Variants in NWD1 observed in about 807,000 individuals in gnomAD.
NWD1 encodes the protein NACHT and WD repeat domain containing 1, also known as NACHT domain- and WD repeat-containing protein 1.
A neutral mutation model predicts 135.1 loss-of-function variants in NWD1; 129 were observed. The observed-to-expected ratio is 0.96, with a 90% confidence interval of 0.83 to 1.11. NWD1 has a LOEUF of 1.11. Ranked by LOEUF, NWD1 falls within the 50% of genes least tolerant of loss-of-function variation. The pLI is 0.00. For missense variants in NWD1, 1,740 were observed against 1,851.3 expected (o/e 0.94, Z 1.10); for synonymous variants, 773 against 786.0 (o/e 0.98, Z 0.28).
At position 16,747,385 on chromosome 19, in the gene NWD1, A is replaced by ATTT. The variant is rs61104300; in HGVS notation, c.497-1754_497-1753insTTT. 6.1e-3 allele frequency among the ~76,000 whole-genome samples: 810 copies of ATTT among 132,570 alleles called. 7 individuals are homozygous for ATTT. Among genetic ancestry groups the ATTT allele is most frequent in the African/African-American group, 0.023 (761 of 32,810 alleles). The allele number at this position is 132,570 out of a possible 152,430, so 87.0% of individuals were successfully genotyped here. A position where few individuals can be genotyped will look rare whatever the true frequency, so the allele number is the denominator to read the frequency against. On this transcript the variant is annotated intron_variant, in intron 5 of 18. Transcript: ENST00000524140. ...TATTTATTTATTTATTTATTTATTT[A>ATTT]ATTTTTTTTGAGACAAGGTCTTACT...
chr19:16,785,830 C>G (rs1464345542), intron 12 of NWD1, among the ~76,000 whole-genome samples: 2 of 149,184 alleles, frequency 1.3e-5, no homozygotes, highest in Non-Finnish European at 3.0e-5. Context: ...AATGTTTTGC[C>G]ATAAACATTC....
rs575535194 is a variant in NWD1, at chr19:16,801,279, C to CA, written c.3736+1127dup. 37 of 148,402 alleles carry CA rather than the reference C, an allele frequency of 2.5e-4. No homozygotes were observed. The South Asian group carries it at 2.6e-3, about 10-fold the overall frequency. 9.2% of individuals were successfully genotyped at this position (148,402 alleles called of 1,614,324 possible). On this transcript the variant is annotated intron_variant, in intron 17 of 18. Transcript: ENST00000524140. Reference sequence around the variant, plus strand: ...GGGCAACAAGAGCAAAACTCTGTCTCAAAAAAAAAATTAGCTGGATATGGT... The same window carrying CA: ...GGGCAACAAGAGCAAAACTCTGTCTCAAAAAAAAAAATTAGCTGGATATGGT...
rs913058684 is a variant in NWD1, at chr19:16,817,749, C to T, written c.*2710C>T. 1 of 152,100 alleles carries T rather than the reference C, an allele frequency of 6.6e-6. No homozygotes were observed. The highest frequency in any genetic ancestry group is 6.6e-5 in the Admixed American group (1 of 15,252). The allele number at this position is 152,100 out of a possible 1,614,324, so 9.4% of individuals were successfully genotyped here. On this transcript the variant is annotated 3_prime_UTR_variant, in exon 19 of 19. Coordinates refer to ENST00000524140, the MANE Select transcript of NWD1 (RefSeq NM_001007525.5). ...GGGAGCCCTGAAAAAATTAGCTACT[C>T]TTTGCCACTGCTTCTCTGTGAATCA...
intron 3 of NWD1, among the ~76,000 whole-genome samples, chr19:16,735,525 A>G (rs1455953526): frequency 2.0e-5 from 3 of 149,390 alleles, no homozygotes; most frequent in Non-Finnish European, 4.4e-5. Context: ...AAAAAAAAAG[A>G]AAGAAAGAAA....
chr19:16,769,603 T>C (rs999660698), intron 10 of NWD1, among the ~76,000 whole-genome samples: 1 of 152,138 alleles, frequency 6.6e-6, no homozygotes, highest in Non-Finnish European at 1.5e-5. Flanking sequence ...GATGCTTGTC[T>C]CCATCCTTAC....
chr19:16,747,808 A>G (rs1452139467), intron 5 of NWD1, among the ~76,000 whole-genome samples: 1 of 152,132 alleles, frequency 6.6e-6, no homozygotes, highest in Non-Finnish European at 1.5e-5. Context: ...TGTCAATGGA[A>G]TCTCACACTA....
intron 2 of NWD1, among the ~76,000 whole-genome samples, chr19:16,730,764 C>T (rs1328606073): frequency 6.6e-6 from 1 of 152,006 alleles, no homozygotes; most frequent in African/African-American, 2.4e-5. Flanking sequence ...TATGGTGGCT[C>T]ATGTCTGTAA....
intron 4 of NWD1, among the ~76,000 whole-genome samples, chr19:16,739,329 CAAAAAAAAAAA>C (rs67106916): frequency 7.6e-5 from 6 of 78,966 alleles, no homozygotes; most frequent in Non-Finnish European, 1.4e-4. Context: ...CTATCTCTAC[CAAAAAAAAAAA>C]AAAAAAAAAA....
Position 16,786,085 on chromosome 19 carries a change from G to A in NWD1, c.2732-2897G>A, listed in dbSNP as rs575335262. On this transcript the variant is annotated intron_variant, in intron 12 of 18. Transcript: ENST00000524140. ...TTGCCATGTTGGCCAGGCTAGTCTC[G>A]AACCCCTGACCTCAACTGATTCACC... 1.5e-3 allele frequency among the ~76,000 whole-genome samples: 233 copies of A among 152,136 alleles called. 1 individual carries two copies. The highest frequency in any genetic ancestry group is 5.0e-3 in the African/African-American group (209 of 41,508).
At chr19:16,722,934 T>C (rs1191204662) in intron 1 of NWD1, among the ~76,000 whole-genome samples, 1 of 152,130 alleles carries the variant, frequency 6.6e-6, no homozygotes, top group Non-Finnish European at 1.5e-5. Flanking sequence ...CTGTTCATGT[T>C]GTCACACATC....
Position 16,749,529 on chromosome 19 carries a change from A to G in NWD1, c.887A>G (p.Gln296Arg), listed in dbSNP as rs1355093566. The change falls in exon 6 of 19, where the codon CAA (glutamine) becomes CGA (arginine). Residue 296 changes from glutamine (Q) to arginine (R), a missense_variant. Coordinates refer to ENST00000524140, the MANE Select transcript of NWD1 (RefSeq NM_001007525.5). ...GGACAGGAGTTGGCGTGGCTCTACC[A>G]AGAGATCCGCCACCACCTTTGGCAG... ...TAGQELAWLY[Q>R]EIRHHLWQSS... 6.2e-7 allele frequency: 1 copy of G among 1,612,178 alleles called. No individual in the cohort carries two copies. Among genetic ancestry groups the G allele is most frequent in the Admixed American group, 1.7e-5 (1 of 59,992 alleles).
chr19:16,730,677 A>T (rs896432146), intron 2 of NWD1, among the ~76,000 whole-genome samples: 1 of 149,760 alleles, frequency 6.7e-6, no homozygotes, highest in Non-Finnish European at 1.5e-5. Flanking sequence ...TGATTGCACC[A>T]CTGCCCTCCA....
In NWD1 at chr19:16,747,382, T is replaced by A. The variant is rs577436847; in HGVS notation, c.497-1757T>A. The stretch of plus-strand genomic sequence containing the variant: ...ATTTATTTATTTATTTATTTATTTA[T>A]TTAATTTTTTTTGAGACAAGGTCTT... On this transcript the variant is annotated intron_variant, in intron 5 of 18. Transcript: ENST00000524140. 2.3e-4 allele frequency among the ~76,000 whole-genome samples: 32 copies of A among 140,278 alleles called. No individual in the cohort carries two copies. The East Asian group carries it at 5.1e-3, about 22-fold the overall frequency. 92.0% of individuals were successfully genotyped at this position (140,278 alleles called of 152,430 possible). A position where few individuals can be genotyped will look rare whatever the true frequency, so the allele number is the denominator to read the frequency against.
chr19:16,788,615 C>T (rs947937991), intron 12 of NWD1, among the ~76,000 whole-genome samples: 3 of 150,010 alleles, frequency 2.0e-5, no homozygotes, highest in Admixed American at 6.7e-5. Context: ...AAATAATTAT[C>T]CTTGATTACA....
intron 16 of NWD1, among the ~76,000 whole-genome samples, chr19:16,798,988 A>C (rs368888574): frequency 6.6e-6 from 1 of 150,956 alleles, no homozygotes; most frequent in Non-Finnish European, 1.5e-5. Flanking sequence ...CCTCTAAAAA[A>C]GGTTTACAGG....
At chr19:16,734,188 T>G (rs1248820073) in intron 3 of NWD1, among the ~76,000 whole-genome samples, 1 of 152,190 alleles carries the variant, frequency 6.6e-6, no homozygotes, top group Non-Finnish European at 1.5e-5. Flanking sequence ...GAAAGCTTTG[T>G]GAACAAGTGT....
intron 7 of NWD1, among the ~76,000 whole-genome samples, chr19:16,760,124 C>T (rs1968952971): frequency 6.6e-6 from 1 of 152,090 alleles, no homozygotes; most frequent in Non-Finnish European, 1.5e-5. Flanking sequence ...CACTGCACTC[C>T]AGTCTGGGTG....
At chr19:16,772,385 C>T (rs1205213798) in intron 10 of NWD1, among the ~76,000 whole-genome samples, 1 of 151,840 alleles carries the variant, frequency 6.6e-6, no homozygotes, top group South Asian at 2.1e-4. Flanking sequence ...AATAGCCAGG[C>T]GCGGTGGCTC....
intron 5 of NWD1, 54 bp from the exon 6 acceptor site, chr19:16,749,085 A>G: frequency 1.4e-6 from 2 of 1,411,238 alleles, no homozygotes; most frequent in Non-Finnish European, 1.9e-6. Flanking sequence ...CATTTAGGTC[A>G]GCTGCTGACC....
Sources: allele counts gnomAD v4.1 joint callset (sites outside exome capture counted in the v4.1 genomes callset), GRCh38; gene constraint gnomAD v4.1.1; transcripts MANE v1.5; gene names NCBI Gene and HGNC (gene_info 2026-07-23, HGNC 2026-07-21).